The following FGF14 variants were observed in gnomAD, a reference collection of about 807,000 sequenced individuals.
FGF14 encodes the protein fibroblast growth factor 14, also known as fibroblast growth factor homologous factor 4.
FGF14 carries 5 observed loss-of-function variants against 25.5 expected under a neutral mutation model. The ratio of observed to expected loss-of-function variants is 0.20; its 90% CI spans 0.10 to 0.41. The LOEUF (loss-of-function observed/expected upper bound fraction) is 0.41, where lower values mean the gene tolerates loss of function less well. FGF14 is among the 10% of genes least tolerant of loss of function. FGF14 has a pLI of 1.00. For synonymous variants in FGF14, 138 were observed against 118.3 expected, an observed-to-expected ratio of 1.17 and a Z score of -1.08; for missense variants, 222 against 320.1, an observed-to-expected ratio of 0.69 and a Z score of 2.34.
At chr13:102,047,856 T>G (rs1005729256) in intron 1 of FGF14, among the ~76,000 whole-genome samples, 2 of 152,136 alleles carry the variant, frequency 1.3e-5, no homozygotes, top group African/African-American at 4.8e-5. Flanking sequence ...ACAAATAGTT[T>G]TTCTCAACAT....
intron 3 of FGF14, among the ~76,000 whole-genome samples, chr13:101,750,893 A>C (rs73568244): frequency 0.037 from 5,603 of 152,244 alleles, 278 homozygotes; most frequent in African/African-American, 0.11. Context: ...AATATGAGAA[A>C]CCTTAAATGC....
intron 1 of FGF14, among the ~76,000 whole-genome samples, chr13:101,900,773 G>C (rs2031441327): frequency 6.6e-6 from 1 of 152,038 alleles, no homozygotes; most frequent in South Asian, 2.1e-4. Context: ...TATTCACTCT[G>C]TAAAAATTAA....
Position 101,868,840 on chromosome 13 carries a change from A to G in FGF14, c.305-12T>C. 6.4e-7 allele frequency: 1 copy of G among 1,569,882 alleles called. No individual in the cohort carries two copies. Among genetic ancestry groups the G allele is most frequent in the Non-Finnish European group, 8.8e-7 (1 of 1,139,822 alleles). Reference sequence around the variant, plus strand: ...GAGGTTGAAGAGTGCTGTGAAGATAAACATTGTCTATCATGAATGGGCAGG... The same window carrying G: ...GAGGTTGAAGAGTGCTGTGAAGATAGACATTGTCTATCATGAATGGGCAGG... On this transcript the variant is annotated splice_polypyrimidine_tract_variant and intron_variant, in intron 2 of 4. Coordinates refer to ENST00000376143, the MANE Select transcript of FGF14 (RefSeq NM_004115.4).
intron 3 of FGF14, among the ~76,000 whole-genome samples, chr13:101,733,580 C>A (rs1323251913): frequency 1.7e-4 from 17 of 98,702 alleles, no homozygotes; most frequent in African/African-American, 4.6e-4. Context: ...GGCGACAGAA[C>A]AAGACTCCAT....
intron 1 of FGF14, among the ~76,000 whole-genome samples, chr13:102,001,316 G>A (rs2039484191): frequency 6.6e-6 from 1 of 152,158 alleles, no homozygotes; most frequent in Admixed American, 6.5e-5. Context: ...TGGTTTCAGA[G>A]GAGGGATAAA....
At chr13:102,033,236 C>A (rs994887405) in intron 1 of FGF14, among the ~76,000 whole-genome samples, 1 of 152,146 alleles carries the variant, frequency 6.6e-6, no homozygotes, top group African/African-American at 2.4e-5. Flanking sequence ...CTGTAACTAA[C>A]CATGGAAAAT....
Position 102,220,775 on chromosome 13 carries a change from C to T in FGF14, c.208+180696G>A, listed in dbSNP as rs117319213. 9.3e-4 allele frequency among the ~76,000 whole-genome samples: 142 copies of T among 152,304 alleles called. 2 individuals carry two copies. The East Asian group carries it at 0.026, about 28-fold the overall frequency. ...AATGTGCTCCTTATTGGATTCGTGGCACGCACACCTTCCAGAGCATAAGAT... is the reference window on the plus strand; with the variant it reads ...AATGTGCTCCTTATTGGATTCGTGGTACGCACACCTTCCAGAGCATAAGAT... On this transcript the variant is annotated intron_variant, in intron 1 of 4. Coordinates refer to the FGF14 transcript ENST00000376131.
chr13:102,135,634 G>C (rs2046379680), intron 1 of FGF14, among the ~76,000 whole-genome samples: 1 of 152,106 alleles, frequency 6.6e-6, no homozygotes, highest in Non-Finnish European at 1.5e-5. Flanking sequence ...TCTACATGTG[G>C]GATTTGAAGT....
chr13:102,157,021 T>C (rs2047374491), intron 1 of FGF14, among the ~76,000 whole-genome samples: 1 of 152,100 alleles, frequency 6.6e-6, no homozygotes, highest in African/African-American at 2.4e-5. Flanking sequence ...CACAAACAAA[T>C]GGAAGAACAT....
intron 1 of FGF14, among the ~76,000 whole-genome samples, chr13:102,285,527 A>G: frequency 6.6e-6 from 1 of 152,292 alleles, no homozygotes; most frequent in Admixed American, 6.5e-5. Flanking sequence ...TCTGCCCTGA[A>G]TTCTTCTGTA....
chr13:102,300,763 T>A (rs959275560), intron 1 of FGF14, among the ~76,000 whole-genome samples: 8 of 152,146 alleles, frequency 5.3e-5, no homozygotes, highest in African/African-American at 1.9e-4. Flanking sequence ...TATTACTATA[T>A]CTAAAGGCAA....
chr13:102,207,096 A>G (rs1594409254), intron 1 of FGF14, among the ~76,000 whole-genome samples: 1 of 152,122 alleles, frequency 6.6e-6, no homozygotes, highest in South Asian at 2.1e-4. Context: ...TCTGGCCAAC[A>G]TGGTGAAACC....
chr13:101,820,628 G>A (rs1210686828), intron 3 of FGF14, among the ~76,000 whole-genome samples: 1 of 152,122 alleles, frequency 6.6e-6, no homozygotes, highest in Non-Finnish European at 1.5e-5. Flanking sequence ...GGCTATGCAA[G>A]GGGAATTGTG....
chr13:101,771,142 T>A (rs143307116), intron 3 of FGF14, among the ~76,000 whole-genome samples: 1 of 152,180 alleles, frequency 6.6e-6, no homozygotes, highest in African/African-American at 2.4e-5. Flanking sequence ...GGATGTTTGG[T>A]GCAAATCAGC....
At chr13:102,025,165 A>G (rs761929256) in intron 1 of FGF14, among the ~76,000 whole-genome samples, 15 of 151,856 alleles carry the variant, frequency 9.9e-5, no homozygotes, top group Non-Finnish European at 1.5e-4. Context: ...TGTTTCGGCT[A>G]TAAGTCCCTT....
chr13:101,908,389 G>A (rs952659487), intron 1 of FGF14, among the ~76,000 whole-genome samples: 3 of 152,132 alleles, frequency 2.0e-5, no homozygotes, highest in Admixed American at 6.5e-5. Context: ...GATAATATTA[G>A]TGTATTATCG....
chr13:102,271,040 C>T (rs2141160632), intron 1 of FGF14, among the ~76,000 whole-genome samples: 1 of 152,240 alleles, frequency 6.6e-6, no homozygotes, highest in East Asian at 1.9e-4. Context: ...GACACAGTTT[C>T]TGTATTCATA....
Position 102,161,570 on chromosome 13 carries a change from A to AAGAAAGAAGAAGAAAGAAG in FGF14, c.208+239900_208+239901insCTTCTTTCTTCTTCTTTCT. ...TCTATGCAACCAACTTTCTGTGAAG[A>AAGAAAGAAGAAGAAAGAAG]AAGAAAGAAGAAGAAGAAGAAGAAG... On this transcript the variant is annotated intron_variant, in intron 1 of 4. Transcript: ENST00000376131. 1.1e-3 allele frequency among the ~76,000 whole-genome samples: 6 copies of AAGAAAGAAGAAGAAAGAAG among 5,650 alleles called. 1 individual carries two copies. The highest frequency in any genetic ancestry group is 1.4e-3 in the Non-Finnish European group (6 of 4,182). The allele number at this position is 5,650 out of a possible 152,430, so 3.7% of individuals were successfully genotyped here. A position where few individuals can be genotyped will look rare whatever the true frequency, so the allele number is the denominator to read the frequency against.
At position 101,916,532 on chromosome 13, in the gene FGF14, C is replaced by A; in HGVS notation, c.114G>T (p.Gly38=). ...TATCCACCAGGTTGCCGTTGCAGAG[C>A]CCGCGGTTCTTGCTGGGGCTGCTCC... ...RRRSSPSKNR[G]LCNGNLVDIF... Residue 38 remains glycine, a synonymous_variant, in exon 1 of 5, where the codon GGG becomes GGT. Coordinates refer to ENST00000376143, the MANE Select transcript of FGF14 (RefSeq NM_004115.4). The A allele has an allele frequency of 4.3e-6, 7 of 1,613,738 alleles. No homozygotes were observed. The highest frequency in any genetic ancestry group is 5.9e-6 in the Non-Finnish European group (7 of 1,179,932).
Sources: allele counts gnomAD v4.1 joint callset (sites outside exome capture counted in the v4.1 genomes callset), GRCh38; gene constraint gnomAD v4.1.1; transcripts MANE v1.5; gene names NCBI Gene and HGNC (gene_info 2026-07-23, HGNC 2026-07-21).